CNOT3: variants seen among roughly 807,000 people sequenced by gnomAD.
CNOT3 encodes CCR4-NOT transcription complex subunit 3.
CNOT3 carries 2 observed loss-of-function variants against 89.4 expected under a neutral mutation model. The observed-to-expected ratio is 0.02, with a 90% CI of 0.01 to 0.07. The LOEUF (loss-of-function observed/expected upper bound fraction) is 0.07, where lower values mean the gene tolerates loss of function less well. Ranked by LOEUF, CNOT3 falls within the 10% of genes least tolerant of loss-of-function variation. The probability of loss-of-function intolerance (pLI) is 1.00; values close to 1 mark genes in which losing one functional copy is unlikely to be tolerated. For missense variants in CNOT3, 664 were observed against 1,010.2 expected, an observed-to-expected ratio of 0.66 and a Z score of 4.65; for synonymous variants, 486 against 402.0, an observed-to-expected ratio of 1.21 and a Z score of -2.50.
chr19:54,147,992 A>G (rs1461916723), intron 10 of CNOT3, among the ~76,000 whole-genome samples, 156 bp from the exon 11 acceptor site: 2 of 152,076 alleles, frequency 1.3e-5, no homozygotes, highest in African/African-American at 2.4e-5. Context: ...CATGAGGGTG[A>G]GTAAGGTCAC....
chr19:54,154,529 ATTTTT>A (rs571067525), intron 17 of CNOT3: 1 of 159,416 alleles, frequency 6.3e-6, no homozygotes, highest in East Asian at 1.8e-4. Context: ...AGTGTCATGG[ATTTTT>A]TTTTTCAAAT....
In CNOT3 at chr19:54,148,438, TAGCGGAGGCGGAGGCGGCGGC is replaced by T. The variant is rs746808824; in HGVS notation, c.1200_1220del (p.Gly401_Gly407del). 5.1e-5 allele frequency: 80 copies of T among 1,569,204 alleles called. No individual in the cohort carries two copies. Among genetic ancestry groups the T allele is most frequent in the Non-Finnish European group, 6.7e-5 (77 of 1,155,870 alleles). On this transcript the variant is annotated inframe_deletion, in exon 11 of 18. Transcript: ENST00000221232. This position sits in a 1 kb window ranked among gnomAD's most constrained non-coding sequence, Gnocchi z 6.3. ...AGCCCCGGCCCCCCAGCGTCCAGCC[TAGCGGAGGCGGAGGCGGCGGC>T]AGCGGAGGCGGAGGGAGCAGCAGCA...
At chr19:54,143,341 T>TTG (rs1555801443) in intron 3 of CNOT3, 101 bp from the exon 4 acceptor site, 10 of 910,070 alleles carry the variant, frequency 1.1e-5, no homozygotes, top group African/African-American at 1.7e-5. Flanking sequence ...GGGGTAGGGG[T>TTG]TGGGGGGGGT....
chr19:54,144,925 G>A lies in CNOT3; in HGVS notation c.483+593G>A, dbSNP rs1242725575. 6.6e-6 allele frequency among the ~76,000 whole-genome samples: 1 copy of A among 152,148 alleles called. No homozygotes were observed. The highest frequency in any genetic ancestry group is 1.5e-5 in the Non-Finnish European group (1 of 68,026). On this transcript the variant is annotated intron_variant, in intron 7 of 17. Transcript: ENST00000221232. This position sits in a 1 kb window ranked among gnomAD's most constrained non-coding sequence, Gnocchi z 4.8. ...CCTCAGGGAAGCTGTGGGTGGGAGA[G>A]GGTCAGGAAGTGGAAGATGACAGGG...
In CNOT3 at chr19:54,143,802, G is replaced by A; in HGVS notation, c.258+53G>A. 8.2e-6 allele frequency: 13 copies of A among 1,577,076 alleles called. No homozygotes were observed. In the South Asian group the frequency reaches 1.4e-4, roughly 18 times the overall value. On this transcript the variant is annotated intron_variant, in intron 5 of 17. Transcript: ENST00000221232. ...GAGGTGGGAAGGTCACCAGATTCTTGAGATCCCAAGGGGCGGAGGCAGAGC... is the reference window on the plus strand; with the variant it reads ...GAGGTGGGAAGGTCACCAGATTCTTAAGATCCCAAGGGGCGGAGGCAGAGC...
In CNOT3 at chr19:54,144,847, A is replaced by G. The variant is rs1568636435; in HGVS notation, c.483+515A>G. 6.6e-6 allele frequency among the ~76,000 whole-genome samples: 1 copy of G among 152,112 alleles called. No homozygotes were observed. The highest frequency in any genetic ancestry group is 1.5e-5 in the Non-Finnish European group (1 of 68,012). ...TTGTGGGGTATGAGTTCAAAGGGAT[A>G]CAAACTGTACAGACTTGCTGAAACC... On this transcript the variant is annotated intron_variant, in intron 7 of 17. Coordinates refer to ENST00000221232, the MANE Select transcript of CNOT3 (RefSeq NM_014516.4). The surrounding 1 kb of genome is among the most constrained non-coding windows in gnomAD (Gnocchi z 4.8).
In CNOT3 at chr19:54,148,827, G is replaced by T; in HGVS notation, c.1406+84G>T. On this transcript the variant is annotated intron_variant, in intron 12 of 17. Coordinates refer to ENST00000221232, the MANE Select transcript of CNOT3 (RefSeq NM_014516.4). This position sits in a 1 kb window ranked among gnomAD's most constrained non-coding sequence, Gnocchi z 6.3. ...AGGCGCCTCACCCCCGCATCGGTGG[G>T]TTCTGAACCCCCCGCCCTTGCTGCT... The T allele has an allele frequency of 1.5e-6, 2 of 1,309,768 alleles. No individual in the cohort carries two copies. The highest frequency in any genetic ancestry group is 1.0e-6 in the Non-Finnish European group (1 of 952,880). 81.1% of individuals were successfully genotyped at this position (1,309,768 alleles called of 1,614,324 possible).
chr19:54,151,639 T>G (rs896486270), intron 13 of CNOT3, among the ~76,000 whole-genome samples: 1 of 152,096 alleles, frequency 6.6e-6, no homozygotes, highest in Non-Finnish European at 1.5e-5. Flanking sequence ...GCCCTGACTT[T>G]GGGGAACAGA....
chr19:54,153,674 T>TG (rs768805979), intron 16 of CNOT3, 41 bp from the exon 17 acceptor site: 1 of 1,582,368 alleles, frequency 6.3e-7, no homozygotes, highest in Non-Finnish European at 8.7e-7. Context: ...CCACCCAGTT[T>TG]GGGGGCCCCC....
intron 1 of CNOT3, among the ~76,000 whole-genome samples, chr19:54,138,318 C>T (rs1159514083): frequency 6.6e-6 from 1 of 152,176 alleles, no homozygotes; most frequent in African/African-American, 2.4e-5. Flanking sequence ...TGTGAGGGTG[C>T]GAAGCCTCCC....
intron 3 of CNOT3, 117 bp from the exon 4 acceptor site, chr19:54,143,325 G>T: frequency 1.0e-6 from 1 of 994,886 alleles, no homozygotes; most frequent in Non-Finnish European, 1.6e-6. Context: ...GCTCTAAGAT[G>T]GATTGGGGGT....
At chr19:54,149,133 T>C (rs1401272101) in intron 12 of CNOT3, among the ~76,000 whole-genome samples, 2 of 152,124 alleles carry the variant, frequency 1.3e-5, no homozygotes, top group Non-Finnish European at 2.9e-5. Context: ...AAATCTTAGC[T>C]CAGACCATTC....
At position 54,152,534 on chromosome 19, in the gene CNOT3, T is replaced by C. The variant is rs1259855892; in HGVS notation, c.1812T>C (p.Pro604=). ...CGCTGGGTGTCTGTCCACTGGGCCC[T>C]GTGCCCCTCACCAAGGAGCAGCTCT... The part of the protein sequence containing the change: ...PLSLGVCPLG[P]VPLTKEQLYQ... Residue 604 remains proline, a synonymous_variant, in exon 15 of 18, where the codon CCT becomes CCC. Coordinates refer to ENST00000221232, the MANE Select transcript of CNOT3 (RefSeq NM_014516.4). 3.1e-6 allele frequency: 5 copies of C among 1,614,006 alleles called. No individual in the cohort carries two copies. Among genetic ancestry groups the C allele is most frequent in the African/African-American group, 1.3e-5 (1 of 74,934 alleles).
rs587659920 is a variant in CNOT3, at chr19:54,143,010, G to C, written c.25+7G>C. 1.9e-6 allele frequency: 3 copies of C among 1,614,100 alleles called. No homozygotes were observed. The highest frequency in any genetic ancestry group is 2.5e-6 in the Non-Finnish European group (3 of 1,180,014). On this transcript the variant is annotated splice_region_variant and intron_variant, in intron 2 of 17. Transcript: ENST00000221232. ...GACAAGCGCAAACTCCAAGGTACTA[G>C]ACTGACTTCCTGCTGCACCTGTAGC...
chr19:54,140,996 G>T (rs1246319153), intron 1 of CNOT3, among the ~76,000 whole-genome samples: 1 of 152,168 alleles, frequency 6.6e-6, no homozygotes, highest in Non-Finnish European at 1.5e-5. Flanking sequence ...CCCTCTGTTG[G>T]GTTCTTGGGA....
Position 54,152,535 on chromosome 19 carries a change from G to T in CNOT3, c.1813G>T (p.Val605Leu), listed in dbSNP as rs2075177892. 1 of 1,614,054 alleles carries T rather than the reference G, an allele frequency of 6.2e-7. No homozygotes were observed. ...GCTGGGTGTCTGTCCACTGGGCCCT[G>T]TGCCCCTCACCAAGGAGCAGCTCTA... ...LSLGVCPLGP[V>L]PLTKEQLYQQ... is the part of the protein sequence containing the mutation. Residue 605 changes from valine (V) to leucine (L), a missense_variant, in exon 15 of 18, where the codon GTG becomes TTG. By Grantham distance (32) the Val-to-Leu change is conservative. Around this residue, in one of 8 missense-constraint regions of CNOT3, gnomAD observed 545 missense variants for 566.2 expected, o/e 0.96. Transcript: ENST00000221232.
Position 54,149,568 on chromosome 19 carries a change from C to G in CNOT3, c.1415C>G (p.Pro472Arg), listed in dbSNP as rs1459648100. 6.3e-7 allele frequency: 1 copy of G among 1,586,926 alleles called. No homozygotes were observed. Among genetic ancestry groups the G allele is most frequent in the Admixed American group, 1.8e-5 (1 of 57,092 alleles). Residue 472 changes from proline to arginine, a missense_variant, in exon 13 of 18, where the codon CCC (proline) becomes CGC (arginine). By Grantham distance (103) the Pro-to-Arg change is moderately radical. This residue lies in a region of CNOT3 where 545 missense variants were observed against 566.2 expected (regional missense o/e 0.96). Coordinates refer to ENST00000221232, the MANE Select transcript of CNOT3 (RefSeq NM_014516.4). The part of the protein sequence containing the change: ...HNPPPSTSKE[P>R]SAAAPTGAGG... Reference sequence around the variant, plus strand: ...CCATGCTCTCTCTCCAGGAAGGAACCCAGTGCGGCAGCCCCAACGGGGGCT... The same window carrying G: ...CCATGCTCTCTCTCCAGGAAGGAACGCAGTGCGGCAGCCCCAACGGGGGCT...
intron 2 of CNOT3, 26 bp from the exon 3 acceptor site, chr19:54,143,093 T>C (rs1305047466): frequency 1.2e-6 from 2 of 1,613,650 alleles, no homozygotes; most frequent in Non-Finnish European, 1.7e-6. Context: ...GGCAGGATTC[T>C]CACAGCCTTG....
chr19:54,151,272 C>T (rs1345298907), intron 13 of CNOT3, among the ~76,000 whole-genome samples: 4 of 152,112 alleles, frequency 2.6e-5, no homozygotes, highest in Non-Finnish European at 5.9e-5. Context: ...GAAGGAACAA[C>T]ATGACTTCAT....
Sources: allele counts gnomAD v4.1 joint callset (sites outside exome capture counted in the v4.1 genomes callset), GRCh38; gene constraint gnomAD v4.1.1; regional missense constraint gnomAD v4.1.1; non-coding constraint Gnocchi (gnomAD v3.1); transcripts MANE v1.5; gene names NCBI Gene and HGNC (gene_info 2026-07-23, HGNC 2026-07-21).